The following HDLBP variants were observed in gnomAD, a reference collection of about 807,000 sequenced individuals.
The protein encoded by HDLBP is high density lipoprotein binding protein, also known as vigilin.
Under a neutral mutation model 137.3 loss-of-function variants are expected in HDLBP, and 30 were observed. The observed-to-expected ratio is 0.22, with a 90% CI of 0.16 to 0.30. The LOEUF (loss-of-function observed/expected upper bound fraction) is 0.30, where lower values mean the gene tolerates loss of function less well. HDLBP is among the 10% of genes least tolerant of loss of function. HDLBP has a pLI of 1.00. For missense variants in HDLBP, 1,119 were observed against 1,667.3 expected (o/e 0.67, Z 5.73); for synonymous variants, 606 against 596.0 (o/e 1.02, Z -0.24).
In HDLBP at chr2:241,249,892, T is replaced by G; in HGVS notation, c.1461A>C (p.Pro487=). 1 of 1,614,094 alleles carries G rather than the reference T, an allele frequency of 6.2e-7. No homozygotes were observed. Among genetic ancestry groups the G allele is most frequent in the Non-Finnish European group, 8.5e-7 (1 of 1,179,974 alleles). Residue 487 remains proline (P), a synonymous_variant, in exon 12 of 28, where the codon CCA becomes CCC. Transcript: ENST00000310931. ...CTCGCTTGGCCTGCTGCACGCCCTG[T>G]GGGTCCCCCTCGATGCGGATCAAAT... ...KSNLIRIEGD[P]QGVQQAKREL... is the part of the protein sequence containing the mutation.
chr2:241,302,117 G>T (rs1230648674), intron 1 of HDLBP, among the ~76,000 whole-genome samples: 2 of 151,974 alleles, frequency 1.3e-5, no homozygotes, highest in African/African-American at 4.8e-5. Context: ...TAATTAGCCA[G>T]GTACAGTGCC....
intron 1 of HDLBP, chr2:241,280,026 G>A: frequency 1.0e-6 from 1 of 985,416 alleles, no homozygotes; most frequent in Non-Finnish European, 1.2e-6. Context: ...GGCTGTGGGA[G>A]CAGAGATGTG....
Position 241,239,964 on chromosome 2 carries a change from G to A in HDLBP, c.2328C>T (p.Ile776=). 1 of 1,614,222 alleles carries A rather than the reference G, an allele frequency of 6.2e-7. No individual in the cohort carries two copies. Among genetic ancestry groups the A allele is most frequent in the Non-Finnish European group, 8.5e-7 (1 of 1,180,040 alleles). The change falls in exon 18 of 28, where the codon ATC becomes ATT. Residue 776 remains isoleucine, a synonymous_variant. Transcript: ENST00000310931. This position sits in a 1 kb window ranked among gnomAD's most constrained non-coding sequence, Gnocchi z 4.6. ...CTCGGACGGCGTCCTCCTTTCCAAT[G>A]ATGGTGATCAGGTCCTGGTCCTTGT... ...AEDKDQDLIT[I]IGKEDAVREA...
Position 241,244,258 on chromosome 2 carries a change from C to A in HDLBP, c.1951-1580G>T, listed in dbSNP as rs560180195. On this transcript the variant is annotated intron_variant, in intron 16 of 27. Transcript: ENST00000310931. ...ATACCCTGGTCACCAGAGTCCCTGA[C>A]GGGGAGACAGCAAGGGGCTAACACA... Among the ~76,000 whole-genome samples the A allele has an allele frequency of 9.2e-5, 14 of 152,214 alleles. No individual in the cohort carries two copies. The South Asian group carries it at 2.3e-3, about 25-fold the overall frequency.
rs369372291 is a variant in HDLBP at position 241,252,905 on chromosome 2, C to G, written c.1372+52G>C. ...CACAGTTCTCACAGCTGACACCCCC[C>G]ACAAGGGTCTCAGGGCACACTGGCC... On this transcript the variant is annotated intron_variant, in intron 11 of 27. Coordinates refer to ENST00000310931, the MANE Select transcript of HDLBP (RefSeq NM_005336.6). The G allele has an allele frequency of 1.0e-5, 13 of 1,271,896 alleles. No individual in the cohort carries two copies. The African/African-American group carries it at 1.3e-4, about 13-fold the overall frequency. 78.8% of individuals were successfully genotyped at this position (1,271,896 alleles called of 1,614,324 possible).
intron 16 of HDLBP, among the ~76,000 whole-genome samples, chr2:241,243,158 T>G (rs1465773976): frequency 6.6e-6 from 1 of 152,156 alleles, no homozygotes; most frequent in Non-Finnish European, 1.5e-5. Context: ...TTCAAGACCC[T>G]GGAGACAGGA....
At chr2:241,265,450 G>A (rs1442492403) in intron 3 of HDLBP, among the ~76,000 whole-genome samples, 1 of 152,100 alleles carries the variant, frequency 6.6e-6, no homozygotes, top group Non-Finnish European at 1.5e-5. Flanking sequence ...AATTGTCACC[G>A]CTGATCTCCC....
intron 9 of HDLBP, 135 bp downstream of exon 9, chr2:241,254,916 A>G: frequency 4.2e-6 from 3 of 716,558 alleles, no homozygotes; most frequent in Non-Finnish European, 7.6e-6. Context: ...ACCATGTCAA[A>G]CAGGCCAGTT....
rs1346687872 is a variant in HDLBP, at chr2:241,272,234, G to A, written c.-102-3693C>T. 10 of 971,008 alleles carry A rather than the reference G, an allele frequency of 1.0e-5. No homozygotes were observed. Among genetic ancestry groups the A allele is most frequent in the Non-Finnish European group, 1.2e-5 (10 of 817,064 alleles). The allele number at this position is 971,008 out of a possible 1,614,324, so 60.1% of individuals were successfully genotyped here. On this transcript the variant is annotated intron_variant, in intron 1 of 27. Transcript: ENST00000310931. The surrounding 1 kb of genome is among the most constrained non-coding windows in gnomAD (Gnocchi z 5.6). ...GGCCCCGCCGCCCGGTCTGCGCCCA[G>A]ACCCCCGCCCCGCCGCCACCTGGGG...
rs757179990 is a variant in HDLBP at position 241,242,648 on chromosome 2, G to T, written c.1981C>A (p.Pro661Thr). The T allele has an allele frequency of 1.2e-6, 2 of 1,614,108 alleles. No homozygotes were observed. The highest frequency in any genetic ancestry group is 1.7e-6 in the Non-Finnish European group (2 of 1,179,996). Residue 661 changes from proline to threonine, a missense_variant, in exon 17 of 28, where the codon CCT becomes ACT. Physicochemically the swap from Pro to Thr is conservative, Grantham distance 38 (BLOSUM62 -1). This residue lies in a region of HDLBP where 425 missense variants were observed against 693.9 expected (regional missense o/e 0.61). Coordinates refer to ENST00000310931, the MANE Select transcript of HDLBP (RefSeq NM_005336.6). Reference protein sequence around the residue: ...ANIAEVEVSIPAKLHNSLIGT... With the variant: ...ANIAEVEVSITAKLHNSLIGT... ...ATGAGGGAGTTGTGCAGCTTGGCAG[G>T]GATGGAGACCTCTACCTCGGCTATG... is the stretch of plus-strand genomic sequence containing the variant.
chr2:241,300,200 ACTCC>A (rs1159033024), intron 1 of HDLBP, among the ~76,000 whole-genome samples: 1 of 151,500 alleles, frequency 6.6e-6, no homozygotes, highest in Non-Finnish European at 1.5e-5. Flanking sequence ...CACATGGGGA[ACTCC>A]CCCCACCCCG....
At chr2:241,274,307 G>T (rs1421274701) in intron 1 of HDLBP, among the ~76,000 whole-genome samples, 1 of 152,166 alleles carries the variant, frequency 6.6e-6, no homozygotes, top group African/African-American at 2.4e-5. Flanking sequence ...GCGGCTTGAC[G>T]CAGAGAAGGA....
intron 1 of HDLBP, among the ~76,000 whole-genome samples, chr2:241,308,284 C>A (rs576420421): frequency 6.6e-6 from 1 of 152,266 alleles, no homozygotes; most frequent in African/African-American, 2.4e-5. Context: ...AGTGTTTCAG[C>A]AACGCTTGTG....
At chr2:241,275,608 A>G (rs567538250) in intron 1 of HDLBP, among the ~76,000 whole-genome samples, 1 of 152,330 alleles carries the variant, frequency 6.6e-6, no homozygotes, top group South Asian at 2.1e-4. Context: ...CTAGCAGGAT[A>G]ATTTAAACTA....
At position 241,240,225 on chromosome 2, in the gene HDLBP, A is replaced by G. The variant is rs2071069539; in HGVS notation, c.2170-103T>C. 4.5e-6 allele frequency: 5 copies of G among 1,109,920 alleles called. No individual in the cohort carries two copies. The highest frequency in any genetic ancestry group is 2.4e-5 in the East Asian group (1 of 42,240). The allele number at this position is 1,109,920 out of a possible 1,614,324, so 68.8% of individuals were successfully genotyped here. On this transcript the variant is annotated intron_variant, in intron 17 of 27. Coordinates refer to ENST00000310931, the MANE Select transcript of HDLBP (RefSeq NM_005336.6). The surrounding 1 kb of genome is among the most constrained non-coding windows in gnomAD (Gnocchi z 5.5). ...GACAGCAAGCTCGGGCTCCCCTTACATTGTCACCAGTGTCCTGATGTTGCA... is the reference window on the plus strand; with the variant it reads ...GACAGCAAGCTCGGGCTCCCCTTACGTTGTCACCAGTGTCCTGATGTTGCA...
In HDLBP at chr2:241,247,276, T is replaced by C. The variant is rs190360816; in HGVS notation, c.1732-134A>G. The C allele has an allele frequency of 1.7e-3, 1,084 of 642,012 alleles. 3 individuals carry two copies. The highest frequency in any genetic ancestry group is 3.2e-3 in the Middle Eastern group (13 of 4,024). The allele number at this position is 642,012 out of a possible 1,614,324, so 39.8% of individuals were successfully genotyped here. A position where few individuals can be genotyped will look rare whatever the true frequency, so the allele number is the denominator to read the frequency against. Reference sequence around the variant, plus strand: ...CAAACAAACCTTCAGAGGTTTGTCATGAGGGTAAGTGAGATAGATCATTTG... The same window carrying C: ...CAAACAAACCTTCAGAGGTTTGTCACGAGGGTAAGTGAGATAGATCATTTG... On this transcript the variant is annotated intron_variant, in intron 14 of 27. Coordinates refer to ENST00000310931, the MANE Select transcript of HDLBP (RefSeq NM_005336.6).
chr2:241,255,669 A>T, intron 7 of HDLBP, 89 bp from the exon 8 acceptor site: 1 of 989,538 alleles, frequency 1.0e-6, no homozygotes, highest in East Asian at 2.4e-5. Flanking sequence ...AAGCAAGCCA[A>T]AGCGGCCCAG....
intron 4 of HDLBP, among the ~76,000 whole-genome samples, chr2:241,263,210 G>A (rs1446178155): frequency 6.6e-6 from 1 of 152,250 alleles, no homozygotes; most frequent in African/African-American, 2.4e-5. Context: ...TTGAGAGAAA[G>A]TGGGAGGTGG....
chr2:241,297,393 G>A (rs545180071), intron 1 of HDLBP, among the ~76,000 whole-genome samples: 7 of 152,200 alleles, frequency 4.6e-5, no homozygotes, highest in African/African-American at 9.7e-5. Context: ...CTTGGAAAGC[G>A]AGAAACTAGA....
Sources: allele counts gnomAD v4.1 joint callset (sites outside exome capture counted in the v4.1 genomes callset), GRCh38; gene constraint gnomAD v4.1.1; regional missense constraint gnomAD v4.1.1; non-coding constraint Gnocchi (gnomAD v3.1); transcripts MANE v1.5; gene names NCBI Gene and HGNC (gene_info 2026-07-23, HGNC 2026-07-21).